The following STK10 variants were observed in gnomAD, a reference collection of about 807,000 sequenced individuals.
STK10 encodes serine/threonine kinase 10.
A neutral mutation model predicts 113.8 loss-of-function variants in STK10; 78 were observed. The observed-to-expected ratio is 0.69, with a 90% confidence interval of 0.57 to 0.83. The LOEUF (loss-of-function observed/expected upper bound fraction) is 0.83, where lower values mean the gene tolerates loss of function less well. Ranked by LOEUF, STK10 falls within the 40% of genes least tolerant of loss-of-function variation. The pLI, the probability that STK10 is intolerant of heterozygous loss-of-function variation, is 0.00. For missense variants in STK10, 1,109 were observed against 1,280.1 expected (o/e 0.87, Z 2.04); for synonymous variants, 465 against 494.7 (o/e 0.94, Z 0.80).
At chr5:172,077,064 G>A (rs979968842) in intron 12 of STK10, among the ~76,000 whole-genome samples, 1 of 152,208 alleles carries the variant, frequency 6.6e-6, no homozygotes, top group Admixed American at 6.5e-5. Context: ...ATCCCCCGAG[G>A]ACATTCACAT....
intron 12 of STK10, among the ~76,000 whole-genome samples, chr5:172,078,830 T>C (rs992706824): frequency 6.6e-6 from 1 of 151,844 alleles, no homozygotes. Flanking sequence ...GGTGAGGAAG[T>C]CCAACTTTGT....
At chr5:172,157,446 T>C (rs572703527) in intron 1 of STK10, among the ~76,000 whole-genome samples, 106 of 152,116 alleles carry the variant, frequency 7.0e-4, no homozygotes, top group Non-Finnish European at 9.3e-4. Flanking sequence ...GTCCCAGCTA[T>C]TGGGGAGGCT....
intron 14 of STK10, among the ~76,000 whole-genome samples, chr5:172,060,690 C>T (rs1767913157): frequency 6.6e-6 from 1 of 152,270 alleles, no homozygotes; most frequent in East Asian, 1.9e-4. Context: ...GATACTTGGC[C>T]AAAGAATAGT....
intron 14 of STK10, among the ~76,000 whole-genome samples, chr5:172,058,908 A>C (rs895081575): frequency 6.6e-6 from 1 of 151,938 alleles, no homozygotes; most frequent in South Asian, 2.1e-4. Context: ...AAAACAAAAA[A>C]AATGTATATA....
chr5:172,053,165 T>C (rs1767668707), intron 17 of STK10, 123 bp from the exon 18 acceptor site: 4 of 721,092 alleles, frequency 5.5e-6, no homozygotes, highest in Middle Eastern at 2.8e-4. Context: ...TCTTCTTGAC[T>C]ATAAATCCCA....
At chr5:172,107,753 TC>T in intron 5 of STK10, 26 bp downstream of exon 5, 1 of 1,612,022 alleles carries the variant, frequency 6.2e-7, no homozygotes, top group Non-Finnish European at 8.5e-7. Context: ...TCCAGTCCAT[TC>T]CATTTCCAGA....
intron 3 of STK10, 38 bp downstream of exon 3, chr5:172,127,335 T>A (rs758225586): frequency 1.2e-6 from 2 of 1,612,848 alleles, no homozygotes; most frequent in Non-Finnish European, 1.7e-6. Flanking sequence ...AAACGAGTCG[T>A]CTGGTCCCGA....
At chr5:172,057,004 G>GAAAAA (rs1554115578) in intron 15 of STK10, 1 of 73,394 alleles carries the variant, frequency 1.4e-5, no homozygotes, top group Non-Finnish European at 2.8e-5. Context: ...AGAGAAAGAA[G>GAAAAA]GAAAGAAAGA....
chr5:172,175,143 G>A (rs539303107), intron 1 of STK10, among the ~76,000 whole-genome samples: 83 of 152,254 alleles, frequency 5.5e-4, no homozygotes, highest in Middle Eastern at 3.4e-3. Context: ...AGCCTCCAGA[G>A]CAGCTAGGAC....
chr5:172,154,632 G>T (rs1450390316), intron 2 of STK10, among the ~76,000 whole-genome samples: 1 of 152,202 alleles, frequency 6.6e-6, no homozygotes, highest in African/African-American at 2.4e-5. Flanking sequence ...GGCCACAGCA[G>T]TGGGCCTGGA....
intron 2 of STK10, among the ~76,000 whole-genome samples, chr5:172,155,217 G>A (rs991722527): frequency 5.9e-5 from 9 of 152,230 alleles, no homozygotes; most frequent in East Asian, 1.9e-4. Flanking sequence ...AAAAATTCTC[G>A]CTGGGCACAG....
At chr5:172,099,263 C>T (rs574928502) in intron 7 of STK10, among the ~76,000 whole-genome samples, 11 of 152,246 alleles carry the variant, frequency 7.2e-5, no homozygotes, top group Middle Eastern at 3.4e-3. Context: ...CGTTATGGCC[C>T]GGCACAGTGG....
At position 172,114,471 on chromosome 5, in the gene STK10, A is replaced by AT. The variant is rs1216558864; in HGVS notation, c.520+3009dup. 255 of 38,380 alleles carry AT rather than the reference A, an allele frequency of 6.6e-3. 4 individuals are homozygous for AT. The highest frequency in any genetic ancestry group is 0.024 in the African/African-American group (178 of 7,432). 2.4% of individuals were successfully genotyped at this position (38,380 alleles called of 1,614,324 possible). A position where few individuals can be genotyped will look rare whatever the true frequency, so the allele number is the denominator to read the frequency against. ...AAATTATATATATATATATATATAT[A>AT]TATTTTTTTTTTTTTTTTTTTTTTT... On this transcript the variant is annotated intron_variant, in intron 4 of 18. Coordinates refer to ENST00000176763, the MANE Select transcript of STK10 (RefSeq NM_005990.4).
At chr5:172,161,666 G>A (rs1029251189) in intron 1 of STK10, among the ~76,000 whole-genome samples, 14 of 152,144 alleles carry the variant, frequency 9.2e-5, no homozygotes, top group African/African-American at 2.7e-4. Context: ...GATCCACTCT[G>A]CATGCAGCAC....
intron 12 of STK10, among the ~76,000 whole-genome samples, chr5:172,071,772 T>TC (rs1768186893): frequency 6.6e-6 from 1 of 151,986 alleles, no homozygotes; most frequent in African/African-American, 2.4e-5. Context: ...CCACTCTGAA[T>TC]TCTCTCTCTC....
chr5:172,147,119 C>T (rs1770102706), intron 2 of STK10, among the ~76,000 whole-genome samples: 1 of 152,158 alleles, frequency 6.6e-6, no homozygotes, highest in African/African-American at 2.4e-5. Context: ...TTTACTGATT[C>T]ATTATAGAAG....
intron 1 of STK10, among the ~76,000 whole-genome samples, chr5:172,185,744 G>A (rs1770944277): frequency 6.6e-6 from 1 of 152,244 alleles, no homozygotes; most frequent in African/African-American, 2.4e-5. Context: ...AGAGACAGTT[G>A]CAAGGCTGAG....
chr5:172,070,629 A>G (rs1768156740), intron 12 of STK10, among the ~76,000 whole-genome samples: 1 of 152,152 alleles, frequency 6.6e-6, no homozygotes, highest in Admixed American at 6.5e-5. Context: ...CTAATATAAC[A>G]GCAGAAATCA....
chr5:172,091,415 T>C (rs996662079), intron 9 of STK10, among the ~76,000 whole-genome samples: 3 of 152,136 alleles, frequency 2.0e-5, no homozygotes, highest in African/African-American at 7.2e-5. Context: ...CTGGAGGTGT[T>C]TGTGTGTCAT....
Sources: gnomAD v4.1 joint callset for allele counts (sites outside exome capture counted in the v4.1 genomes callset) on GRCh38, gnomAD v4.1.1 for gene constraint, MANE v1.5 for transcripts, NCBI Gene and HGNC (gene_info 2026-07-23, HGNC 2026-07-21) for gene names.